Variants in RERE observed in about 807,000 individuals in gnomAD.
RERE encodes the protein arginine-glutamic acid dipeptide repeats, also known as arginine-glutamic acid dipeptide repeats protein.
Under a neutral mutation model 146.1 loss-of-function variants are expected in RERE, and 40 were observed. The observed-to-expected ratio is 0.27, with a 90% CI of 0.21 to 0.36. RERE has a LOEUF of 0.36. Ranked by LOEUF, RERE falls within the 10% of genes least tolerant of loss-of-function variation. RERE has a pLI of 1.00. For missense variants in RERE, 1,933 were observed against 2,138.7 expected (o/e 0.90, Z 1.90); for synonymous variants, 1,003 against 866.0 (o/e 1.16, Z -2.78).
At chr1:8,727,385 G>A (rs957373602) in intron 1 of RERE, among the ~76,000 whole-genome samples, 3 of 152,034 alleles carry the variant, frequency 2.0e-5, no homozygotes, top group Admixed American at 6.5e-5. Flanking sequence ...CAGGTGATCC[G>A]CCCGCCTCAG....
intron 4 of RERE, among the ~76,000 whole-genome samples, chr1:8,610,276 T>C (rs1457795350): frequency 1.3e-5 from 2 of 152,078 alleles, no homozygotes; most frequent in Non-Finnish European, 2.9e-5. Flanking sequence ...CAAGAGACTT[T>C]ATGGATTTCA....
intron 2 of RERE, among the ~76,000 whole-genome samples, chr1:8,655,210 C>CTT (rs781480952): frequency 7.0e-6 from 1 of 142,998 alleles, no homozygotes; most frequent in African/African-American, 2.6e-5. Context: ...ATCTTCAGGG[C>CTT]TTTTTTTTTT....
intron 15 of RERE, 65 bp from the exon 16 acceptor site, chr1:8,362,909 C>A: frequency 6.4e-7 from 1 of 1,550,652 alleles, no homozygotes; most frequent in Non-Finnish European, 8.7e-7. Flanking sequence ...CCACCTGAGC[C>A]CAACCCACAG....
intron 7 of RERE, among the ~76,000 whole-genome samples, chr1:8,535,866 G>C (rs1645717857): frequency 6.6e-6 from 1 of 152,130 alleles, no homozygotes; most frequent in African/African-American, 2.4e-5. Flanking sequence ...CCAGCACTTT[G>C]GGAGGCTGAG....
At chr1:8,452,293 G>C (rs1644398768) in intron 11 of RERE, among the ~76,000 whole-genome samples, 1 of 152,128 alleles carries the variant, frequency 6.6e-6, no homozygotes, top group South Asian at 2.1e-4. Context: ...TCAATTGTGT[G>C]GCTGCTGTCC....
intron 1 of RERE, among the ~76,000 whole-genome samples, chr1:8,766,124 C>A (rs1333337607): frequency 2.6e-5 from 4 of 151,860 alleles, no homozygotes; most frequent in Non-Finnish European, 5.9e-5. Flanking sequence ...ACAACAACAA[C>A]AAAAAGAAAA....
At chr1:8,737,397 G>T (rs192202160) in intron 1 of RERE, among the ~76,000 whole-genome samples, 2 of 152,256 alleles carry the variant, frequency 1.3e-5, no homozygotes, top group African/African-American at 2.4e-5. Context: ...CCCTCCAAAA[G>T]AATCAAAAGT....
intron 11 of RERE, among the ~76,000 whole-genome samples, chr1:8,457,066 A>G (rs1321664867): frequency 6.6e-6 from 1 of 152,220 alleles, no homozygotes; most frequent in African/African-American, 2.4e-5. Flanking sequence ...ATGCTCTACC[A>G]ATATTTCCAG....
chr1:8,544,389 C>G (rs1230865863), intron 6 of RERE, among the ~76,000 whole-genome samples: 1 of 152,098 alleles, frequency 6.6e-6, no homozygotes, highest in Non-Finnish European at 1.5e-5. Flanking sequence ...CTAGGAACAA[C>G]CCAAATGTGC....
At chr1:8,553,007 T>C (rs371680288) in intron 6 of RERE, among the ~76,000 whole-genome samples, 1 of 142,974 alleles carries the variant, frequency 7.0e-6, no homozygotes, top group Non-Finnish European at 1.5e-5. Context: ...TCCACACACA[T>C]GTGTGCAACA....
intron 4 of RERE, among the ~76,000 whole-genome samples, chr1:8,599,068 C>A (rs1278173097): frequency 3.3e-5 from 5 of 152,214 alleles, no homozygotes; most frequent in African/African-American, 1.2e-4. Flanking sequence ...TTCTCCCAGC[C>A]TGGCGGACAG....
At chr1:8,526,565 T>C (rs1419132010) in intron 7 of RERE, among the ~76,000 whole-genome samples, 1 of 152,138 alleles carries the variant, frequency 6.6e-6, no homozygotes, top group African/African-American at 2.4e-5. Context: ...TAGATGGTAT[T>C]GTGAGCAGGG....
At chr1:8,659,019 A>G (rs1431996822) in intron 1 of RERE, among the ~76,000 whole-genome samples, 2 of 152,256 alleles carry the variant, frequency 1.3e-5, no homozygotes, top group South Asian at 2.1e-4. Context: ...AAACTAGATT[A>G]CTTCCTTCTA....
At chr1:8,602,714 A>T (rs1646649112) in intron 4 of RERE, among the ~76,000 whole-genome samples, 1 of 152,172 alleles carries the variant, frequency 6.6e-6, no homozygotes, top group Non-Finnish European at 1.5e-5. Flanking sequence ...ACTTACACAC[A>T]GCAGATTTTT....
chr1:8,401,620 C>T (rs1393492730), intron 12 of RERE, among the ~76,000 whole-genome samples: 2 of 151,920 alleles, frequency 1.3e-5, no homozygotes, highest in East Asian at 3.9e-4. Context: ...ATTAGCCAGG[C>T]ATGGCATCAT....
intron 11 of RERE, chr1:8,428,454 G>A (rs930398064): frequency 2.2e-4 from 33 of 152,288 alleles, no homozygotes; most frequent in African/African-American, 7.5e-4. Flanking sequence ...TACAACTTAC[G>A]TTTATGATTT....
Position 8,786,104 on chromosome 1 carries a change from C to G in RERE, c.-145+31056G>C, listed in dbSNP as rs1255600802. 1.1e-5 allele frequency: 5 copies of G among 436,604 alleles called. No homozygotes were observed. In the East Asian group the frequency reaches 2.2e-4, roughly 19 times the overall value. 27.0% of individuals were successfully genotyped at this position (436,604 alleles called of 1,614,324 possible). ...ATCAGTCTGCCTGCTTCCACTCTGA[C>G]TGGCAGCAGTCTAACTTTCTTTTTT... On this transcript the variant is annotated intron_variant, in intron 1 of 22. Coordinates refer to ENST00000400908, the MANE Select transcript of RERE (RefSeq NM_001042681.2).
chr1:8,402,321 A>C (rs1209832940), intron 12 of RERE, among the ~76,000 whole-genome samples: 1 of 152,220 alleles, frequency 6.6e-6, no homozygotes, highest in Non-Finnish European at 1.5e-5. Flanking sequence ...CATCACAGCC[A>C]GGTGGCAGAA....
At chr1:8,486,313 G>A (rs931057135) in intron 10 of RERE, among the ~76,000 whole-genome samples, 1 of 152,036 alleles carries the variant, frequency 6.6e-6, no homozygotes, top group Non-Finnish European at 1.5e-5. Flanking sequence ...AGGCTCAAAA[G>A]ATTTCAAAAT....
Sources: gnomAD v4.1 joint callset for allele counts (sites outside exome capture counted in the v4.1 genomes callset) on GRCh38, gnomAD v4.1.1 for gene constraint, MANE v1.5 for transcripts, NCBI Gene and HGNC (gene_info 2026-07-23, HGNC 2026-07-21) for gene names.